The following KIF26B variants were observed in gnomAD, a reference collection of about 807,000 sequenced individuals.
KIF26B encodes kinesin family member 26B, also known as kinesin-like protein KIF26B.
A neutral mutation model predicts 151.2 loss-of-function variants in KIF26B; 63 were observed. The observed-to-expected ratio is 0.42, with a 90% CI of 0.34 to 0.51. The LOEUF is 0.51. Among genes scored for constraint, KIF26B ranks in the 20% least tolerant of loss-of-function variants. The pLI is 0.07. For missense variants in KIF26B, 2,813 were observed against 2,913.6 expected (o/e 0.97, Z 0.79); for synonymous variants, 1,357 against 1,262.1 (o/e 1.08, Z -1.59).
At chr1:245,305,936 C>CAAAAAAAAAAAAAAAAAAAAAAAAA (rs55865379) in intron 2 of KIF26B, among the ~76,000 whole-genome samples, 1 of 86,704 alleles carries the variant, frequency 1.2e-5, no homozygotes, top group African/African-American at 4.5e-5. Flanking sequence ...GACGACTCCT[C>CAAAAAAAAAAAAAAAAAAAAAAAAA]AAAAAAAAAA....
At chr1:245,592,601 C>T (rs889758987) in intron 5 of KIF26B, among the ~76,000 whole-genome samples, 2 of 152,144 alleles carry the variant, frequency 1.3e-5, no homozygotes, top group Non-Finnish European at 2.9e-5. Context: ...TTGGTCAACA[C>T]GGAGCAGTCG....
chr1:245,304,854 A>G (rs1243625011), intron 2 of KIF26B, among the ~76,000 whole-genome samples: 2 of 152,160 alleles, frequency 1.3e-5, no homozygotes, highest in Non-Finnish European at 2.9e-5. Flanking sequence ...CAAGTGACAG[A>G]ACGAGACAGA....
chr1:245,262,145 T>C (rs2103570821), intron 2 of KIF26B, among the ~76,000 whole-genome samples: 1 of 152,338 alleles, frequency 6.6e-6, no homozygotes, highest in South Asian at 2.1e-4. Flanking sequence ...CTTATTTTTC[T>C]CATGTGATAT....
chr1:245,345,148 A>C (rs534317559), intron 2 of KIF26B, among the ~76,000 whole-genome samples: 1 of 152,194 alleles, frequency 6.6e-6, no homozygotes, highest in Non-Finnish European at 1.5e-5. Context: ...TGTTTGGGCC[A>C]TAGGCGCAAG....
intron 2 of KIF26B, among the ~76,000 whole-genome samples, chr1:245,293,580 T>TCC (rs1491067686): frequency 4.2e-5 from 1 of 23,538 alleles, no homozygotes; most frequent in Non-Finnish European, 7.0e-5. Flanking sequence ...TTTCTTTCCT[T>TCC]TTTTTTTTTT....
At chr1:245,449,756 G>C (rs1034024578) in intron 4 of KIF26B, among the ~76,000 whole-genome samples, 2 of 152,154 alleles carry the variant, frequency 1.3e-5, no homozygotes, top group African/African-American at 4.8e-5. Flanking sequence ...TGAATGAGGA[G>C]GTAAAATAGC....
intron 9 of KIF26B, 23 bp downstream of exon 9, chr1:245,611,999 C>T: frequency 1.9e-6 from 3 of 1,607,812 alleles, no homozygotes; most frequent in Non-Finnish European, 2.6e-6. Flanking sequence ...CTCCACCCTC[C>T]TGCCTCCTTA....
intron 4 of KIF26B, among the ~76,000 whole-genome samples, chr1:245,511,470 T>A (rs926575931): frequency 6.6e-6 from 1 of 152,198 alleles, no homozygotes; most frequent in Non-Finnish European, 1.5e-5. Flanking sequence ...ATATTTGACA[T>A]TGGCTCATAT....
chr1:245,556,695 TC>T (rs1253034268), intron 5 of KIF26B, among the ~76,000 whole-genome samples: 9 of 97,664 alleles, frequency 9.2e-5, no homozygotes, highest in Non-Finnish European at 2.6e-5. Flanking sequence ...AGCCACTGCA[TC>T]TGGTGTTTTT....
At chr1:245,163,020 C>T (rs75696039) in intron 2 of KIF26B, among the ~76,000 whole-genome samples, 1 of 152,298 alleles carries the variant, frequency 6.6e-6, no homozygotes, top group East Asian at 1.9e-4. Context: ...ATCCAGTTGT[C>T]CCCACTTTAT....
chr1:245,580,438 G>A (rs564784592), intron 5 of KIF26B, among the ~76,000 whole-genome samples: 9 of 152,350 alleles, frequency 5.9e-5, no homozygotes, highest in African/African-American at 1.7e-4. Context: ...TGGATGGAGT[G>A]TAGAAAATGA....
chr1:245,583,365 T>C (rs1194198203), intron 5 of KIF26B, among the ~76,000 whole-genome samples: 1 of 151,554 alleles, frequency 6.6e-6, no homozygotes, highest in Non-Finnish European at 1.5e-5. Context: ...TGAAAATGAG[T>C]TTTTCACTGG....
intron 5 of KIF26B, among the ~76,000 whole-genome samples, chr1:245,592,483 TG>T (rs1324423304): frequency 6.6e-6 from 1 of 152,228 alleles, no homozygotes; most frequent in Admixed American, 6.5e-5. Flanking sequence ...AAAGCAGTTA[TG>T]GGGCAACCAA....
At position 245,698,879 on chromosome 1, in the gene KIF26B, TG is replaced by T. The variant is rs1191942966; in HGVS notation, c.6028-7del. The T allele has an allele frequency of 6.2e-7, 1 of 1,612,466 alleles. No individual in the cohort carries two copies. The highest frequency in any genetic ancestry group is 8.5e-7 in the Non-Finnish European group (1 of 1,178,968). On this transcript the variant is annotated splice_polypyrimidine_tract_variant and splice_region_variant and intron_variant, in intron 13 of 14. Transcript: ENST00000407071. This position sits in a 1 kb window ranked among gnomAD's most constrained non-coding sequence, Gnocchi z 4.0. ...AAGGGCCCTTTCTCCTCTCTGTCTG[TG>T]TGCTAGGAGGCCATGTGCTTCAATG...
chr1:245,659,499 G>C (rs1170420959), intron 10 of KIF26B, among the ~76,000 whole-genome samples: 1 of 152,110 alleles, frequency 6.6e-6, no homozygotes, highest in Admixed American at 6.5e-5. Flanking sequence ...ATGAGAAGAG[G>C]CACTGAAGCT....
intron 10 of KIF26B, among the ~76,000 whole-genome samples, chr1:245,663,995 C>T (rs981820008): frequency 2.6e-5 from 4 of 152,154 alleles, no homozygotes; most frequent in Non-Finnish European, 5.9e-5. Context: ...ATCTTGAGTT[C>T]CCAACTTCAC....
At chr1:245,552,122 G>GGGGT (rs1553287300) in intron 5 of KIF26B, among the ~76,000 whole-genome samples, 2 of 131,614 alleles carry the variant, frequency 1.5e-5, no homozygotes, top group Admixed American at 7.6e-5. Flanking sequence ...GAACCAGCAG[G>GGGGT]GTGTGTGTGT....
At chr1:245,539,094 T>A (rs902424619) in intron 4 of KIF26B, among the ~76,000 whole-genome samples, 1 of 152,114 alleles carries the variant, frequency 6.6e-6, no homozygotes, top group African/African-American at 2.4e-5. Context: ...TACAATAGGG[T>A]GACTTAGGGT....
intron 2 of KIF26B, among the ~76,000 whole-genome samples, chr1:245,180,473 A>C (rs373632407): frequency 6.6e-6 from 1 of 152,226 alleles, no homozygotes; most frequent in African/African-American, 2.4e-5. Context: ...TTTCAGGGTT[A>C]TAGGCAAATG....
Sources: gnomAD v4.1 joint callset for allele counts (sites outside exome capture counted in the v4.1 genomes callset) on GRCh38, gnomAD v4.1.1 for gene constraint, Gnocchi (gnomAD v3.1) non-coding constraint, MANE v1.5 for transcripts, NCBI Gene and HGNC (gene_info 2026-07-23, HGNC 2026-07-21) for gene names.